The following ANKRD44 variants were observed in gnomAD, a reference collection of about 807,000 sequenced individuals.
ANKRD44 encodes the protein ankyrin repeat domain 44.
Under a neutral mutation model 116.0 loss-of-function variants are expected in ANKRD44, and 35 were observed. The observed-to-expected ratio is 0.30, with a 90% CI of 0.23 to 0.40. ANKRD44 has a LOEUF of 0.40. ANKRD44 is among the 10% of genes least tolerant of loss of function. The pLI is 1.00. For missense variants in ANKRD44, 1,014 were observed against 1,242.6 expected (o/e 0.82, Z 2.77); for synonymous variants, 435 against 461.8 (o/e 0.94, Z 0.74).
In ANKRD44 at chr2:197,212,080, C is replaced by A. The variant is rs1390876843; in HGVS notation, c.28-24974G>T. Among the ~76,000 whole-genome samples, 11 of 151,980 alleles carry A rather than the reference C, an allele frequency of 7.2e-5. No individual in the cohort carries two copies. Among genetic ancestry groups the A allele is most frequent in the Admixed American group, 1.3e-4 (2 of 15,256 alleles). On this transcript the variant is annotated intron_variant, in intron 1 of 27. Transcript: ENST00000282272. This position sits in a 1 kb window ranked among gnomAD's most constrained non-coding sequence, Gnocchi z 4.8. Reference sequence around the variant, plus strand: ...CACACACACACACACACACACCCCACAGCACCACTTTGGGGGAAGGAGAGG... The same window carrying A: ...CACACACACACACACACACACCCCAAAGCACCACTTTGGGGGAAGGAGAGG...
rs1418461426 is a variant in ANKRD44 at position 197,310,631 on chromosome 2, A to G, written c.-27T>C. The stretch of plus-strand genomic sequence containing the variant: ...CTTCCGCTCCTTCGCGCGCACACAC[A>G]TGCAGGTCCCCGGCCCGCAGATGTC... On this transcript the variant is annotated 5_prime_UTR_variant, in exon 1 of 28. It removes an upstream start codon present in the reference 5' UTR. Coordinates refer to ENST00000282272, the MANE Select transcript of ANKRD44 (RefSeq NM_001195144.2). 3.0e-6 allele frequency: 4 copies of G among 1,323,728 alleles called. No individual in the cohort carries two copies. In the African/African-American group the frequency reaches 6.3e-5, roughly 21 times the overall value. The allele number at this position is 1,323,728 out of a possible 1,614,324, so 82.0% of individuals were successfully genotyped here. A position where few individuals can be genotyped will look rare whatever the true frequency, so the allele number is the denominator to read the frequency against.
At chr2:197,164,607 G>A (rs1038884230) in intron 2 of ANKRD44, among the ~76,000 whole-genome samples, 2 of 152,158 alleles carry the variant, frequency 1.3e-5, no homozygotes, top group African/African-American at 4.8e-5. Flanking sequence ...CCCTGCTGCT[G>A]CGGGGTTCCC....
At chr2:197,090,090 G>T in intron 10 of ANKRD44, 58 bp from the exon 11 acceptor site, 1 of 1,307,628 alleles carries the variant, frequency 7.6e-7, no homozygotes, top group Non-Finnish European at 1.1e-6. Flanking sequence ...ACATGCGGAA[G>T]GACAATTACC....
intron 4 of ANKRD44, chr2:197,136,213 A>T (rs1192653150): frequency 4.5e-6 from 1 of 220,416 alleles, no homozygotes; most frequent in African/African-American, 2.3e-5. Context: ...TCCTTACTCA[A>T]CCTTTAAGGA....
chr2:197,248,892 T>A (rs1374543467), intron 1 of ANKRD44, among the ~76,000 whole-genome samples: 1 of 152,150 alleles, frequency 6.6e-6, no homozygotes, highest in African/African-American at 2.4e-5. Flanking sequence ...GGAGAACTAA[T>A]AGTTTTAGCT....
At chr2:197,198,550 G>A (rs2125649436) in intron 1 of ANKRD44, among the ~76,000 whole-genome samples, 1 of 152,194 alleles carries the variant, frequency 6.6e-6, no homozygotes, top group South Asian at 2.1e-4. Context: ...CCAGCACTTT[G>A]GGAGGCCGAG....
chr2:197,204,254 C>T (rs369639630), intron 1 of ANKRD44, among the ~76,000 whole-genome samples: 1 of 151,910 alleles, frequency 6.6e-6, no homozygotes, highest in African/African-American at 2.4e-5. Flanking sequence ...TATAAATATG[C>T]ACAGAAAAAC....
At chr2:197,020,825 TTC>T (rs1230148042) in intron 17 of ANKRD44, among the ~76,000 whole-genome samples, 5,445 of 151,196 alleles carry the variant, frequency 0.036, 337 homozygotes, top group African/African-American at 0.13. Flanking sequence ...ATACTTTAAG[TTC>T]TAGGGTACAT....
At chr2:197,264,599 C>T (rs1019406464) in intron 1 of ANKRD44, among the ~76,000 whole-genome samples, 1 of 152,146 alleles carries the variant, frequency 6.6e-6, no homozygotes. Flanking sequence ...CCTCCCTTTC[C>T]CTCAGGGCAT....
intron 12 of ANKRD44, among the ~76,000 whole-genome samples, chr2:197,088,050 C>T (rs771184140): frequency 3.3e-5 from 5 of 152,146 alleles, no homozygotes; most frequent in Admixed American, 1.3e-4. Flanking sequence ...TAAGAACCAA[C>T]ATCTTCCCCA....
intron 10 of ANKRD44, 82 bp from the exon 11 acceptor site, chr2:197,090,114 T>G: frequency 1.0e-5 from 11 of 1,092,010 alleles, no homozygotes; most frequent in Non-Finnish European, 1.5e-5. Flanking sequence ...CTAGATTCTC[T>G]GATGAAAATT....
intron 2 of ANKRD44, among the ~76,000 whole-genome samples, chr2:197,151,971 G>A (rs1413911172): frequency 6.6e-6 from 1 of 152,152 alleles, no homozygotes; most frequent in Non-Finnish European, 1.5e-5. Context: ...TTCTGAATTG[G>A]GAATTAAACA....
chr2:197,274,032 T>A (rs2083004504), intron 1 of ANKRD44, among the ~76,000 whole-genome samples: 2 of 114,006 alleles, frequency 1.8e-5, no homozygotes, highest in Admixed American at 9.7e-5. Context: ...TATATATGAA[T>A]CAGACAGGCT....
At chr2:197,028,416 A>G (rs1000204853) in intron 16 of ANKRD44, among the ~76,000 whole-genome samples, 4 of 152,150 alleles carry the variant, frequency 2.6e-5, no homozygotes, top group African/African-American at 9.7e-5. Context: ...ATAGTGACAC[A>G]TCCAAAAGGA....
chr2:197,193,560 A>G (rs2080872861), intron 1 of ANKRD44, among the ~76,000 whole-genome samples: 1 of 152,190 alleles, frequency 6.6e-6, no homozygotes, highest in Non-Finnish European at 1.5e-5. Context: ...TGGGGTTACA[A>G]TAGCCATTTT....
intron 13 of ANKRD44, among the ~76,000 whole-genome samples, chr2:197,085,571 G>A (rs1275058336): frequency 6.6e-6 from 1 of 152,134 alleles, no homozygotes; most frequent in African/African-American, 2.4e-5. Flanking sequence ...GAAGGCAACA[G>A]GAATGACCTC....
At position 197,215,367 on chromosome 2, in the gene ANKRD44, C is replaced by T. The variant is rs560852512; in HGVS notation, c.28-28261G>A. ...TTTTGGTAGAGAAAAGGCTATTTTG[C>T]ATGTCATTGGCTAGGCTTCAGAAAC... On this transcript the variant is annotated intron_variant, in intron 1 of 27. Coordinates refer to ENST00000282272, the MANE Select transcript of ANKRD44 (RefSeq NM_001195144.2). 2.6e-4 allele frequency among the ~76,000 whole-genome samples: 40 copies of T among 152,284 alleles called. No individual in the cohort carries two copies. The South Asian group carries it at 7.7e-3, about 29-fold the overall frequency.
rs774188881 is a variant in ANKRD44 at position 197,042,499 on chromosome 2, T to TAA, written c.1651-17234_1651-17233dup. Among the ~76,000 whole-genome samples the TAA allele has an allele frequency of 3.5e-3, 376 of 106,238 alleles. 2 individuals are homozygous for TAA. The highest frequency in any genetic ancestry group is 5.5e-3 in the Non-Finnish European group (272 of 49,634). 69.7% of individuals were successfully genotyped at this position (106,238 alleles called of 152,430 possible). A position where few individuals can be genotyped will look rare whatever the true frequency, so the allele number is the denominator to read the frequency against. ...ATTCCACATCTGCCCCCTCCACTAC[T>TAA]AAAAAAAAAAAAAAAAAAAATCCAA... is the stretch of plus-strand genomic sequence containing the variant. On this transcript the variant is annotated intron_variant, in intron 16 of 27. Transcript: ENST00000282272.
At chr2:197,115,010 C>T (rs2078675257) in intron 8 of ANKRD44, among the ~76,000 whole-genome samples, 2 of 152,154 alleles carry the variant, frequency 1.3e-5, no homozygotes, top group Admixed American at 6.5e-5. Context: ...TTCCAGTTTC[C>T]ACCTTCAACT....
Sources: gnomAD v4.1 joint callset for allele counts (sites outside exome capture counted in the v4.1 genomes callset) on GRCh38, gnomAD v4.1.1 for gene constraint, Gnocchi (gnomAD v3.1) non-coding constraint, MANE v1.5 for transcripts, NCBI Gene and HGNC (gene_info 2026-07-23, HGNC 2026-07-21) for gene names.